The following EXOG variants were observed in gnomAD, a reference collection of about 807,000 sequenced individuals.
EXOG encodes nuclease EXOG, mitochondrial.
EXOG carries 27 observed loss-of-function variants against 25.8 expected under a neutral mutation model. That is an observed-to-expected ratio of 1.05 (90% CI 0.77 to 1.45). The LOEUF (loss-of-function observed/expected upper bound fraction) is 1.45, where lower values mean the gene tolerates loss of function less well. Ranked by LOEUF, EXOG falls within the 40% of genes most tolerant of loss-of-function variation. EXOG has a pLI of 0.00. For synonymous variants in EXOG, 133 were observed against 167.0 expected, an observed-to-expected ratio of 0.80 and a Z score of 1.57; for missense variants, 458 against 450.5, an observed-to-expected ratio of 1.02 and a Z score of -0.15.
chr3:38,505,619 C>T (rs1203291937), intron 4 of EXOG: 1 of 152,062 alleles, frequency 6.6e-6, no homozygotes, highest in Non-Finnish European at 1.5e-5. Context: ...AGATAAGAAA[C>T]TGAGGAATGA....
intron 3 of EXOG, among the ~76,000 whole-genome samples, chr3:38,502,524 A>G (rs1196758733): frequency 6.6e-6 from 1 of 152,216 alleles, no homozygotes; most frequent in Non-Finnish European, 1.5e-5. Flanking sequence ...AAAGTTGCAG[A>G]CATGTTTTAT....
chr3:38,517,557 G>A (rs775187974), intron 5 of EXOG, among the ~76,000 whole-genome samples: 3 of 152,210 alleles, frequency 2.0e-5, no homozygotes, highest in African/African-American at 4.8e-5. Flanking sequence ...CTGCTGTTTG[G>A]TTTGTCAGGT....
In EXOG at chr3:38,524,254, G is replaced by A. The variant is rs2060818125; in HGVS notation, c.999G>A (p.Lys333=). 1 of 1,614,056 alleles carries A rather than the reference G, an allele frequency of 6.2e-7. No homozygotes were observed. The highest frequency in any genetic ancestry group is 8.5e-7 in the Non-Finnish European group (1 of 1,180,010). ...TGGAAAAGATCATGGAAAACTTGAA[G>A]AATGCAGAGATTGAACCAGATGATT... The part of the protein sequence containing the change: ...LRLEKIMENL[K]NAEIEPDDYF... Residue 333 remains lysine, a synonymous_variant, in exon 6 of 6, where the codon AAG becomes AAA. Coordinates refer to ENST00000287675, the MANE Select transcript of EXOG (RefSeq NM_005107.4).
At chr3:38,507,120 A>G (rs986207331) in intron 5 of EXOG, 152 bp downstream of exon 5, 5 of 495,288 alleles carry the variant, frequency 1.0e-5, no homozygotes, top group Non-Finnish European at 1.8e-5. Context: ...TTGAACACCT[A>G]TTAGGAATGA....
intron 5 of EXOG, among the ~76,000 whole-genome samples, chr3:38,507,725 G>A (rs2060244925): frequency 6.6e-6 from 1 of 152,154 alleles, no homozygotes; most frequent in Non-Finnish European, 1.5e-5. Context: ...GAGGCAAGGA[G>A]ATGAGTTAGG....
Position 38,524,234 on chromosome 3 carries a change from A to G in EXOG, c.979A>G (p.Lys327Glu). 6.2e-7 allele frequency: 1 copy of G among 1,614,170 alleles called. No homozygotes were observed. The highest frequency in any genetic ancestry group is 8.5e-7 in the Non-Finnish European group (1 of 1,179,992). ...AGCCCGATCAGTGCTCAGACTGGAAAAGATCATGGAAAACTTGAAGAATGC... is the reference window on the plus strand; with the variant it reads ...AGCCCGATCAGTGCTCAGACTGGAAGAGATCATGGAAAACTTGAAGAATGC... The part of the protein sequence containing the change: ...EGARSVLRLE[K>E]IMENLKNAEI... Residue 327 changes from lysine to glutamate, a missense_variant, in exon 6 of 6, where the codon AAG becomes GAG. By Grantham distance (56) the Lys-to-Glu change is moderately conservative. Transcript: ENST00000287675.
chr3:38,497,296 C>T, intron 1 of EXOG: 1 of 1,046,148 alleles, frequency 9.6e-7, no homozygotes, highest in East Asian at 8.8e-5. Flanking sequence ...TTACTGTCAT[C>T]TTGCAACAGC....
In EXOG at chr3:38,496,506, G is replaced by A. The variant is rs779339742; in HGVS notation, c.139G>A (p.Ala47Thr). The A allele has an allele frequency of 1.2e-6, 2 of 1,613,004 alleles. No individual in the cohort carries two copies. Among genetic ancestry groups the A allele is most frequent in the African/African-American group, 2.7e-5 (2 of 74,928 alleles). The stretch of plus-strand genomic sequence containing the variant: ...CTTCCGGAGTCAGGGCGCTGAGGGA[G>A]CGTTGACAGGGAAGCAGCCGGATGG... ...QFFRSQGAEG[A>T]LTGKQPDGSA... Residue 47 changes from alanine (A) to threonine (T), a missense_variant, in exon 1 of 6, where the codon GCG (alanine) becomes ACG (threonine). Ala to Thr is a moderately conservative substitution (Grantham distance 58). This residue lies in a region of EXOG where 275 missense variants were observed against 230.5 expected (regional missense o/e 1.19). Coordinates refer to ENST00000287675, the MANE Select transcript of EXOG (RefSeq NM_005107.4).
At chr3:38,516,277 C>T (rs2060540279) in intron 5 of EXOG, among the ~76,000 whole-genome samples, 1 of 152,024 alleles carries the variant, frequency 6.6e-6, no homozygotes, top group Non-Finnish European at 1.5e-5. Flanking sequence ...CCTTTTTTAA[C>T]TGGAAACCCT....
intron 5 of EXOG, among the ~76,000 whole-genome samples, chr3:38,509,871 C>G (rs547049593): frequency 1.3e-5 from 2 of 152,006 alleles, no homozygotes; most frequent in South Asian, 2.1e-4. Flanking sequence ...AATAAATTTG[C>G]GAGAATGAAA....
chr3:38,497,604 CT>C (rs72284153), intron 1 of EXOG, 24 bp from the exon 2 acceptor site: 88,293 of 1,299,148 alleles, frequency 0.068, 15 homozygotes, highest in South Asian at 0.071. Flanking sequence ...TCTGCCCCCC[CT>C]TTTTTTTTTT....
At chr3:38,513,465 T>C (rs1363855607) in intron 5 of EXOG, among the ~76,000 whole-genome samples, 1 of 152,234 alleles carries the variant, frequency 6.6e-6, no homozygotes, top group Non-Finnish European at 1.5e-5. Context: ...ATTAAATCTG[T>C]GCCACTTGAG....
chr3:38,507,290 G>A (rs1336580292), intron 5 of EXOG, among the ~76,000 whole-genome samples: 1 of 152,186 alleles, frequency 6.6e-6, no homozygotes, highest in East Asian at 1.9e-4. Context: ...GGACTGATGG[G>A]CTCTACTCAT....
At chr3:38,523,763 T>C in intron 5 of EXOG, 138 bp from the exon 6 acceptor site, 3 of 573,584 alleles carry the variant, frequency 5.2e-6, no homozygotes, top group South Asian at 5.4e-5. Context: ...TTTTTGGCAG[T>C]TGAATTTAAA....
chr3:38,501,264 C>T, intron 2 of EXOG, 91 bp from the exon 3 acceptor site: 1 of 1,055,734 alleles, frequency 9.5e-7, no homozygotes, highest in South Asian at 1.4e-5. Context: ...TGGAGAGACA[C>T]CAGCCAGTAG....
At chr3:38,514,024 G>A (rs1043779664) in intron 5 of EXOG, among the ~76,000 whole-genome samples, 1 of 152,182 alleles carries the variant, frequency 6.6e-6, no homozygotes. Context: ...TGCAAGACAC[G>A]GGTGAAACTG....
intron 5 of EXOG, chr3:38,519,207 A>G (rs541067823): frequency 1.3e-5 from 2 of 152,346 alleles, no homozygotes; most frequent in Admixed American, 6.5e-5. Context: ...CAGTGATTTT[A>G]TCAGAAGTGA....
chr3:38,499,563 G>C (rs2059986298), intron 2 of EXOG: 1 of 420,406 alleles, frequency 2.4e-6, no homozygotes, highest in African/African-American at 2.1e-5. Flanking sequence ...AGTAATGATG[G>C]ACTGAGTTAT....
At chr3:38,507,415 T>A (rs998533793) in intron 5 of EXOG, among the ~76,000 whole-genome samples, 2 of 152,190 alleles carry the variant, frequency 1.3e-5, no homozygotes, top group African/African-American at 4.8e-5. Context: ...ACAGGACATT[T>A]GTGGTCAACA....
Sources: allele counts gnomAD v4.1 joint callset (sites outside exome capture counted in the v4.1 genomes callset), GRCh38; gene constraint gnomAD v4.1.1; regional missense constraint gnomAD v4.1.1; transcripts MANE v1.5; gene names NCBI Gene and HGNC (gene_info 2026-07-23, HGNC 2026-07-21).